The following GPR176 variants were observed in gnomAD, a reference collection of about 807,000 sequenced individuals.
The protein encoded by GPR176 is G-protein coupled receptor 176.
GPR176 carries 26 observed loss-of-function variants against 35.4 expected under a neutral mutation model. The observed-to-expected ratio is 0.74, with a 90% CI of 0.54 to 1.02. The LOEUF (loss-of-function observed/expected upper bound fraction) is 1.02. GPR176 is among the 50% of genes least tolerant of loss of function. The pLI is 0.00. For missense variants in GPR176, 597 were observed against 665.3 expected (o/e 0.90, Z 1.13); for synonymous variants, 278 against 271.3 (o/e 1.02, Z -0.24).
At chr15:39,831,091 C>A (rs17645613) in intron 1 of GPR176, among the ~76,000 whole-genome samples, 35,041 of 152,058 alleles carry the variant, frequency 0.23, 4,665 homozygotes, top group Non-Finnish European at 0.3. Flanking sequence ...ACGGGGGAAC[C>A]TTTTGGAGAC....
chr15:39,836,230 TCTC>T (rs1901392352), intron 1 of GPR176, among the ~76,000 whole-genome samples: 2 of 152,198 alleles, frequency 1.3e-5, no homozygotes. Context: ...CAGTCTGTCT[TCTC>T]CAAATCTCAT....
At chr15:39,819,965 T>C (rs907391024) in intron 1 of GPR176, among the ~76,000 whole-genome samples, 4 of 152,202 alleles carry the variant, frequency 2.6e-5, no homozygotes, top group African/African-American at 4.8e-5. Context: ...ATATCATTCA[T>C]TTTTCTATAG....
At chr15:39,876,160 G>C (rs1415550946) in intron 1 of GPR176, among the ~76,000 whole-genome samples, 1 of 151,532 alleles carries the variant, frequency 6.6e-6, no homozygotes, top group Admixed American at 6.6e-5. Flanking sequence ...GTGAGACCCT[G>C]ACTCAAGAAA....
intron 1 of GPR176, among the ~76,000 whole-genome samples, chr15:39,862,678 T>A (rs2031652173): frequency 6.6e-6 from 1 of 152,256 alleles, no homozygotes; most frequent in Non-Finnish European, 1.5e-5. Flanking sequence ...ATTATTCATG[T>A]GTTTGTGGTG....
Position 39,920,157 on chromosome 15 carries a change from C to G in GPR176, c.-131G>C, listed in dbSNP as rs1294381050. 2 of 554,500 alleles carry G rather than the reference C, an allele frequency of 3.6e-6. No homozygotes were observed. Among genetic ancestry groups the G allele is most frequent in the Non-Finnish European group, 5.5e-6 (2 of 364,796 alleles). The allele number at this position is 554,500 out of a possible 1,614,324, so 34.3% of individuals were successfully genotyped here. A position where few individuals can be genotyped will look rare whatever the true frequency, so the allele number is the denominator to read the frequency against. Reference sequence around the variant, plus strand: ...GGAGAAGCCGGAGCAGCCGACGGGTCCCCTCACGTCTCCACATCGCCAACC... The same window carrying G: ...GGAGAAGCCGGAGCAGCCGACGGGTGCCCTCACGTCTCCACATCGCCAACC... On this transcript the variant is annotated 5_prime_UTR_variant, in exon 1 of 3. Transcript: ENST00000561100.
chr15:39,861,964 G>A (rs1171861832), intron 1 of GPR176: 6 of 152,238 alleles, frequency 3.9e-5, no homozygotes, highest in African/African-American at 7.2e-5. Flanking sequence ...CTCTGTTCTA[G>A]GTTATTGTGT....
At chr15:39,865,664 C>A (rs549785250) in intron 1 of GPR176, among the ~76,000 whole-genome samples, 1 of 151,970 alleles carries the variant, frequency 6.6e-6, no homozygotes, top group East Asian at 1.9e-4. Context: ...GTGATCTATG[C>A]GTGTAACAAA....
At chr15:39,829,037 C>T (rs1218512043) in intron 1 of GPR176, 3 of 738,344 alleles carry the variant, frequency 4.1e-6, no homozygotes, top group East Asian at 2.7e-5. Flanking sequence ...CTATTCTATC[C>T]CATTTTAAAA....
chr15:39,898,699 G>A (rs1261833598), intron 1 of GPR176, among the ~76,000 whole-genome samples: 1 of 152,164 alleles, frequency 6.6e-6, no homozygotes, highest in African/African-American at 2.4e-5. Flanking sequence ...AAGCCAGAGG[G>A]AATGAGGAGC....
At chr15:39,857,704 T>C (rs1043590418) in intron 1 of GPR176, among the ~76,000 whole-genome samples, 5 of 151,440 alleles carry the variant, frequency 3.3e-5, no homozygotes, top group South Asian at 2.1e-4. Context: ...CGCGGTGGCT[T>C]GTGCCTGTAA....
chr15:39,842,986 A>T (rs921942561), intron 1 of GPR176, among the ~76,000 whole-genome samples: 1 of 151,828 alleles, frequency 6.6e-6, no homozygotes, highest in African/African-American at 2.4e-5. Context: ...TTGGAATCAT[A>T]CTCAAAGAGA....
chr15:39,854,059 G>T (rs2140813468), intron 1 of GPR176, among the ~76,000 whole-genome samples: 1 of 152,016 alleles, frequency 6.6e-6, no homozygotes, highest in Non-Finnish European at 1.5e-5. Context: ...TTCCATATTT[G>T]CCACCAGGAA....
At position 39,868,363 on chromosome 15, in the gene GPR176, G is replaced by A. The variant is rs540392902; in HGVS notation, c.172+51492C>T. Among the ~76,000 whole-genome samples the A allele has an allele frequency of 2.0e-5, 3 of 152,252 alleles. No individual in the cohort carries two copies. The East Asian group carries it at 5.8e-4, about 29-fold the overall frequency. On this transcript the variant is annotated intron_variant, in intron 1 of 2. Coordinates refer to ENST00000561100, the MANE Select transcript of GPR176 (RefSeq NM_007223.3). ...CTCAACAAAGGCAGTCCATAAACCA[G>A]CCTAAAAACAAGCAGGGTCCCCATG...
intron 1 of GPR176, among the ~76,000 whole-genome samples, chr15:39,824,522 T>G (rs1900496527): frequency 6.6e-6 from 1 of 152,226 alleles, no homozygotes; most frequent in African/African-American, 2.4e-5. Flanking sequence ...TTTGTAGCAA[T>G]TATTATATTG....
chr15:39,857,163 T>C (rs540785013), intron 1 of GPR176, among the ~76,000 whole-genome samples: 14 of 152,040 alleles, frequency 9.2e-5, no homozygotes, highest in African/African-American at 3.1e-4. Flanking sequence ...CAGAAAAAGG[T>C]AGGATAAAAA....
intron 1 of GPR176, among the ~76,000 whole-genome samples, chr15:39,814,419 C>A (rs973180103): frequency 1.3e-5 from 2 of 152,206 alleles, no homozygotes; most frequent in African/African-American, 2.4e-5. Context: ...GTATTTGCGT[C>A]TACTTCAAAT....
At chr15:39,915,922 T>C (rs960694969) in intron 1 of GPR176, among the ~76,000 whole-genome samples, 2 of 152,182 alleles carry the variant, frequency 1.3e-5, no homozygotes, top group African/African-American at 2.4e-5. Flanking sequence ...GTAGGATACA[T>C]ACTTGTGGGT....
intron 1 of GPR176, among the ~76,000 whole-genome samples, chr15:39,883,046 G>A (rs1222826295): frequency 1.3e-5 from 2 of 152,196 alleles, no homozygotes; most frequent in African/African-American, 2.4e-5. Flanking sequence ...AGACTGAACA[G>A]CAAGTTTGAA....
intron 1 of GPR176, among the ~76,000 whole-genome samples, chr15:39,808,381 C>T (rs1434745420): frequency 1.3e-5 from 2 of 152,188 alleles, no homozygotes; most frequent in African/African-American, 4.8e-5. Flanking sequence ...TCCTGAAACA[C>T]ATCAGGGCTA....
Sources: gnomAD v4.1 joint callset for allele counts (sites outside exome capture counted in the v4.1 genomes callset) on GRCh38, gnomAD v4.1.1 for gene constraint, MANE v1.5 for transcripts, NCBI Gene and HGNC (gene_info 2026-07-23, HGNC 2026-07-21) for gene names.